NME7: variants seen among roughly 807,000 people sequenced by gnomAD.
NME7 encodes the protein NME/NM23 family member 7, also known as nucleoside diphosphate kinase 7.
A neutral mutation model predicts 49.1 loss-of-function variants in NME7; 41 were observed. The ratio of observed to expected loss-of-function variants is 0.83; its 90% CI spans 0.65 to 1.08. The LOEUF is 1.08. Ranked by LOEUF, NME7 falls within the 50% of genes least tolerant of loss-of-function variation. The probability of loss-of-function intolerance (pLI) is 0.00; values close to 1 mark genes in which losing one functional copy is unlikely to be tolerated. For synonymous variants in NME7, 139 were observed against 150.6 expected (o/e 0.92, Z 0.56); for missense variants, 423 against 463.4 (o/e 0.91, Z 0.80).
chr1:169,317,547 G>C (rs10919134), intron 3 of NME7, among the ~76,000 whole-genome samples: 18 of 151,714 alleles, frequency 1.2e-4, no homozygotes, highest in Admixed American at 9.8e-4. Flanking sequence ...CTCTGTTACT[G>C]AACTAAGGTA....
intron 7 of NME7, among the ~76,000 whole-genome samples, chr1:169,277,588 G>A (rs1175762700): frequency 8.3e-5 from 7 of 84,188 alleles, no homozygotes; most frequent in African/African-American, 2.0e-4. Flanking sequence ...GTCTCTGCAC[G>A]TGAGATGGGT....
chr1:169,145,190 A>G (rs1255087921), intron 11 of NME7, among the ~76,000 whole-genome samples: 1 of 152,220 alleles, frequency 6.6e-6, no homozygotes, highest in East Asian at 1.9e-4. Flanking sequence ...ATTCCAAGCA[A>G]AGAAATTATT....
At chr1:169,161,148 G>A (rs1178149352) in intron 11 of NME7, among the ~76,000 whole-genome samples, 2 of 152,144 alleles carry the variant, frequency 1.3e-5, no homozygotes, top group Admixed American at 6.6e-5. Context: ...ATGAAGTTCA[G>A]TTGTCTTAAT....
At chr1:169,311,378 C>A (rs555813226) in intron 3 of NME7, among the ~76,000 whole-genome samples, 1 of 142,234 alleles carries the variant, frequency 7.0e-6, no homozygotes, top group East Asian at 2.0e-4. Flanking sequence ...AAGATAGCAC[C>A]ACTGCACTCC....
intron 7 of NME7, among the ~76,000 whole-genome samples, chr1:169,242,565 T>G (rs773584337): frequency 6.6e-6 from 1 of 151,652 alleles, no homozygotes; most frequent in Admixed American, 6.6e-5. Flanking sequence ...GCTGGAAAAT[T>G]CAAGTCAGTG....
chr1:169,167,429 C>T (rs868800801), intron 11 of NME7, among the ~76,000 whole-genome samples: 8 of 151,866 alleles, frequency 5.3e-5, no homozygotes, highest in Non-Finnish European at 7.4e-5. Context: ...GGATATCAAC[C>T]ATTTTTCTTC....
Position 169,298,741 on chromosome 1 carries a change from T to C in NME7, c.463A>G (p.Thr155Ala). ...ATCTCCATGGCAATAATAGGACCAG[T>C]TGTAATAAACTGGATCAGCTCACTA... is the stretch of plus-strand genomic sequence containing the variant. The part of the protein sequence containing the change: ...FFNELIQFIT[T>A]GPIIAMEILR... Residue 155 changes from threonine to alanine, a missense_variant, in exon 6 of 12, where the codon ACT (threonine) becomes GCT (alanine). Coordinates refer to ENST00000367811, the MANE Select transcript of NME7 (RefSeq NM_013330.5). 1 of 1,613,768 alleles carries C rather than the reference T, an allele frequency of 6.2e-7. No homozygotes were observed. The highest frequency in any genetic ancestry group is 1.1e-5 in the South Asian group (1 of 91,080).
intron 7 of NME7, among the ~76,000 whole-genome samples, chr1:169,261,610 GAAC>G (rs1649165160): frequency 7.5e-6 from 1 of 133,186 alleles, no homozygotes; most frequent in Non-Finnish European, 1.8e-5. Context: ...CTGCCATAGT[GAAC>G]AAACTAGGAA....
At chr1:169,312,655 T>C (rs1055600807) in intron 3 of NME7, among the ~76,000 whole-genome samples, 5 of 152,184 alleles carry the variant, frequency 3.3e-5, no homozygotes, top group Non-Finnish European at 7.4e-5. Flanking sequence ...ATAAATGTCT[T>C]CATATACCAT....
At chr1:169,310,392 T>C (rs1651338294) in intron 3 of NME7, among the ~76,000 whole-genome samples, 1 of 152,190 alleles carries the variant, frequency 6.6e-6, no homozygotes, top group Admixed American at 6.5e-5. Flanking sequence ...TTTCTTAGAA[T>C]ACATTTTATA....
intron 11 of NME7, among the ~76,000 whole-genome samples, chr1:169,139,181 ATCT>A (rs1658520147): frequency 1.3e-5 from 2 of 152,318 alleles, no homozygotes; most frequent in East Asian, 3.9e-4. Context: ...TCATAACAGT[ATCT>A]TCTTCAGATA....
chr1:169,169,294 G>A (rs186444391), intron 11 of NME7, 153 bp downstream of exon 11: 170 of 605,974 alleles, frequency 2.8e-4, no homozygotes, highest in African/African-American at 2.8e-3. Context: ...ACCAGGGCAC[G>A]TGTATACCTA....
chr1:169,306,048 G>T (rs1414887757), intron 4 of NME7, among the ~76,000 whole-genome samples: 1 of 152,192 alleles, frequency 6.6e-6, no homozygotes, highest in Non-Finnish European at 1.5e-5. Flanking sequence ...AATAGGAATG[G>T]ATGAGACAGA....
intron 1 of NME7, among the ~76,000 whole-genome samples, chr1:169,330,739 G>C (rs1652223823): frequency 6.6e-6 from 1 of 152,040 alleles, no homozygotes; most frequent in Non-Finnish European, 1.5e-5. Context: ...AAAATCTTTA[G>C]TGGCTACTAC....
chr1:169,237,631 T>A lies in NME7; in HGVS notation c.811A>T (p.Met271Leu), dbSNP rs1647913132. ...IRDAGFEISA[M>L]QMFNMDRVNV... ...CATTGTAAACTACCTACCATCTGCA[T>A]AGCTGAGATTTCAAAACCTGCATCT... The change falls in exon 8 of 12, where the codon ATG (methionine) becomes TTG (leucine). Residue 271 changes from methionine to leucine, a missense_variant. Coordinates refer to ENST00000367811, the MANE Select transcript of NME7 (RefSeq NM_013330.5). 6.2e-7 allele frequency: 1 copy of A among 1,609,446 alleles called. No individual in the cohort carries two copies. Among genetic ancestry groups the A allele is most frequent in the African/African-American group, 1.3e-5 (1 of 74,774 alleles).
chr1:169,302,517 A>C (rs1006848681), intron 5 of NME7: 1 of 152,208 alleles, frequency 6.6e-6, no homozygotes, highest in Admixed American at 6.5e-5. Context: ...AAAACCAAAT[A>C]CCACATGTTC....
At chr1:169,276,799 T>C (rs1336502081) in intron 7 of NME7, among the ~76,000 whole-genome samples, 2 of 136,468 alleles carry the variant, frequency 1.5e-5, no homozygotes, top group African/African-American at 5.0e-5. Context: ...ATTTTGGATC[T>C]TTCCTGCTTT....
At chr1:169,182,401 G>T (rs12747242) in intron 10 of NME7, among the ~76,000 whole-genome samples, 56,336 of 151,768 alleles carry the variant, frequency 0.37, 11,026 homozygotes, top group East Asian at 0.73. Flanking sequence ...ATTCCCTCTC[G>T]TCATAAATGG....
chr1:169,318,164 G>T (rs965691592), intron 3 of NME7, among the ~76,000 whole-genome samples: 3 of 152,170 alleles, frequency 2.0e-5, no homozygotes, highest in African/African-American at 7.2e-5. Flanking sequence ...CCTCAGGCAG[G>T]CCTCAAGTTC....
Sources: gnomAD v4.1 joint callset for allele counts (sites outside exome capture counted in the v4.1 genomes callset) on GRCh38, gnomAD v4.1.1 for gene constraint, MANE v1.5 for transcripts, NCBI Gene and HGNC (gene_info 2026-07-23, HGNC 2026-07-21) for gene names.